The following CLASP2 variants were observed in gnomAD, a reference collection of about 807,000 sequenced individuals.
CLASP2 encodes the protein cytoplasmic linker associated protein 2.
A neutral mutation model predicts 194.4 loss-of-function variants in CLASP2; 47 were observed. The observed-to-expected ratio is 0.24, with a 90% CI of 0.19 to 0.31. CLASP2 has a LOEUF of 0.31. CLASP2 is among the 10% of genes least tolerant of loss of function. The pLI is 1.00. For missense variants in CLASP2, 1,445 were observed against 1,823.6 expected, an observed-to-expected ratio of 0.79 and a Z score of 3.78; for synonymous variants, 619 against 633.5, an observed-to-expected ratio of 0.98 and a Z score of 0.34.
chr3:33,584,110 T>C (rs2066784500), intron 22 of CLASP2, among the ~76,000 whole-genome samples: 1 of 152,146 alleles, frequency 6.6e-6, no homozygotes, highest in East Asian at 1.9e-4. Context: ...AGTTTACTAG[T>C]ATTTGAATAG....
At chr3:33,515,217 T>G (rs1034533476) in intron 36 of CLASP2, among the ~76,000 whole-genome samples, 1 of 152,064 alleles carries the variant, frequency 6.6e-6, no homozygotes, top group Non-Finnish European at 1.5e-5. Flanking sequence ...AAAAACCTAT[T>G]GAAATAAAAA....
At chr3:33,595,037 G>C in intron 19 of CLASP2, 69 bp from the exon 20 acceptor site, 2 of 933,180 alleles carry the variant, frequency 2.1e-6, no homozygotes, top group Non-Finnish European at 3.1e-6. Flanking sequence ...CTACCTCACA[G>C]TCCCCACCCA....
chr3:33,649,423 T>A (rs967628506), intron 7 of CLASP2, among the ~76,000 whole-genome samples: 2 of 152,208 alleles, frequency 1.3e-5, no homozygotes, highest in East Asian at 1.9e-4. Context: ...TGGAACAATA[T>A]CTAGAACGGC....
At chr3:33,576,699 A>G (rs899149492) in intron 23 of CLASP2, among the ~76,000 whole-genome samples, 10 of 152,196 alleles carry the variant, frequency 6.6e-5, no homozygotes, top group African/African-American at 2.2e-4. Context: ...ATTTACAAGG[A>G]AAATAAGCTC....
intron 20 of CLASP2, among the ~76,000 whole-genome samples, chr3:33,593,450 T>G (rs536097434): frequency 6.6e-4 from 100 of 152,134 alleles, no homozygotes; most frequent in Non-Finnish European, 1.3e-3. Context: ...TATGACCATA[T>G]TAATTAGGAA....
intron 6 of CLASP2, among the ~76,000 whole-genome samples, chr3:33,673,049 C>A (rs2087692629): frequency 6.6e-6 from 1 of 152,146 alleles, no homozygotes; most frequent in African/African-American, 2.4e-5. Flanking sequence ...CTTCCCCAAT[C>A]TAGCAAGGCA....
At chr3:33,668,117 G>C (rs2086528361) in intron 6 of CLASP2, among the ~76,000 whole-genome samples, 1 of 152,192 alleles carries the variant, frequency 6.6e-6, no homozygotes, top group Non-Finnish European at 1.5e-5. Flanking sequence ...TACTTGGGAG[G>C]CTGAGGCAAG....
chr3:33,676,113 C>A (rs1575506403), intron 6 of CLASP2, among the ~76,000 whole-genome samples: 1 of 152,112 alleles, frequency 6.6e-6, no homozygotes, highest in Admixed American at 6.5e-5. Context: ...CAAAAAGAGC[C>A]CGCATTGCCA....
chr3:33,545,458 A>T (rs1438558593), intron 30 of CLASP2, among the ~76,000 whole-genome samples: 1 of 152,180 alleles, frequency 6.6e-6, no homozygotes, highest in African/African-American at 2.4e-5. Flanking sequence ...ACTTTTCTGA[A>T]CCCACTCTAT....
chr3:33,577,449 A>G (rs1274425809), intron 23 of CLASP2, among the ~76,000 whole-genome samples: 1 of 152,174 alleles, frequency 6.6e-6, no homozygotes. Flanking sequence ...ACAAAAACAC[A>G]TCTTACACCT....
At chr3:33,592,176 A>G (rs1247543400) in intron 21 of CLASP2, 2 of 703,684 alleles carry the variant, frequency 2.8e-6, no homozygotes, top group East Asian at 2.7e-5. Context: ...ATTCCAAAAC[A>G]TGCACAACAA....
At position 33,688,722 on chromosome 3, in the gene CLASP2, C is replaced by T. The variant is rs540232334; in HGVS notation, c.379-354G>A. On this transcript the variant is annotated intron_variant, in intron 3 of 38. Coordinates refer to ENST00000682230, the MANE Select transcript of CLASP2 (RefSeq NM_001365631.1). ...ATGCTGCCATTATAAGTCCAGCAGT[C>T]CAGTAAGTATTTAAGTGGTCCAACA... Among the ~76,000 whole-genome samples, 11 of 152,286 alleles carry T rather than the reference C, an allele frequency of 7.2e-5. No individual in the cohort carries two copies. The South Asian group carries it at 2.3e-3, about 32-fold the overall frequency.
chr3:33,683,817 G>A (rs1316852422), intron 6 of CLASP2, among the ~76,000 whole-genome samples: 1 of 151,062 alleles, frequency 6.6e-6, no homozygotes, highest in African/African-American at 2.4e-5. Flanking sequence ...GCGTATGCCT[G>A]TAGTCCCAGC....
At chr3:33,520,257 C>T (rs1461181780) in intron 34 of CLASP2, among the ~76,000 whole-genome samples, 4 of 152,202 alleles carry the variant, frequency 2.6e-5, no homozygotes, top group African/African-American at 7.2e-5. Flanking sequence ...CTGCCTGCCT[C>T]GGCCTCCCAA....
At chr3:33,553,093 CTA>C (rs972374346) in intron 29 of CLASP2, among the ~76,000 whole-genome samples, 1 of 152,058 alleles carries the variant, frequency 6.6e-6, no homozygotes, top group African/African-American at 2.4e-5. Context: ...ATATGTTTTT[CTA>C]TGTTTTTTCT....
At chr3:33,656,270 AGATT>A (rs2084194753) in intron 7 of CLASP2, among the ~76,000 whole-genome samples, 1 of 152,232 alleles carries the variant, frequency 6.6e-6, no homozygotes, top group African/African-American at 2.4e-5. Flanking sequence ...AATAGATAAT[AGATT>A]AATAACTGGA....
intron 5 of CLASP2, 76 bp downstream of exon 5, chr3:33,686,984 A>G: frequency 2.5e-6 from 2 of 797,512 alleles, no homozygotes; most frequent in Non-Finnish European, 3.9e-6. Flanking sequence ...TTCTTTTTTA[A>G]AAATAGAATA....
rs1165991085 is a variant in CLASP2, at chr3:33,535,431, T to C, written c.3589A>G (p.Arg1197Gly). 6.2e-7 allele frequency: 1 copy of C among 1,613,966 alleles called. No homozygotes were observed. Among genetic ancestry groups the C allele is most frequent in the African/African-American group, 1.3e-5 (1 of 75,056 alleles). The change falls in exon 34 of 39, where the codon AGA becomes GGA. Residue 1197 changes from arginine (R) to glycine (G), a missense_variant. By Grantham distance (125) the Arg-to-Gly change is moderately radical. Coordinates refer to ENST00000682230, the MANE Select transcript of CLASP2 (RefSeq NM_001365631.1). ...GAGTCAGTAGCATCACCTCCTGCTC[T>C]TGGGTCAGACATCCCAGGACCACCA... Reference protein sequence around the residue: ...MCGGPGMSDPRAGGDATDSSQ... With the variant: ...MCGGPGMSDPGAGGDATDSSQ...
intron 26 of CLASP2, among the ~76,000 whole-genome samples, chr3:33,570,114 T>C (rs1220038004): frequency 2.6e-5 from 4 of 152,104 alleles, no homozygotes; most frequent in Non-Finnish European, 5.9e-5. Flanking sequence ...ATAACAGTAC[T>C]ATGCATCAAG....
Sources: allele counts gnomAD v4.1 joint callset (sites outside exome capture counted in the v4.1 genomes callset), GRCh38; gene constraint gnomAD v4.1.1; transcripts MANE v1.5; gene names NCBI Gene and HGNC (gene_info 2026-07-23, HGNC 2026-07-21).